FAM168A: variants seen among roughly 807,000 people sequenced by gnomAD.
The protein encoded by FAM168A is protein FAM168A.
In FAM168A, 3 loss-of-function variants were observed where a neutral mutation model predicts 28.5. The ratio of observed to expected loss-of-function variants is 0.11; its 90% CI spans 0.05 to 0.27. FAM168A has a LOEUF of 0.27. Ranked by LOEUF, FAM168A falls within the 10% of genes least tolerant of loss-of-function variation. FAM168A has a pLI of 1.00. For missense variants in FAM168A, 222 were observed against 311.5 expected, an observed-to-expected ratio of 0.71 and a Z score of 2.16; for synonymous variants, 122 against 124.2, an observed-to-expected ratio of 0.98 and a Z score of 0.12.
intron 4 of FAM168A, among the ~76,000 whole-genome samples, chr11:73,413,396 A>G (rs7129990): frequency 0.22 from 33,883 of 152,184 alleles, 6,161 homozygotes; most frequent in African/African-American, 0.51. Context: ...CTGGAAGTGC[A>G]ACTATGAGCT....
chr11:73,466,058 C>T (rs1168882719), intron 2 of FAM168A, among the ~76,000 whole-genome samples: 2 of 151,984 alleles, frequency 1.3e-5, no homozygotes, highest in African/African-American at 2.4e-5. Context: ...ATTTTATTTC[C>T]CATCTTCAGA....
chr11:73,586,158 G>T lies in FAM168A; in HGVS notation c.-19+11765C>A, dbSNP rs377558763. Among the ~76,000 whole-genome samples, 28 of 152,228 alleles carry T rather than the reference G, an allele frequency of 1.8e-4. 1 individual carries two copies. The highest frequency in any genetic ancestry group is 6.5e-4 in the African/African-American group (27 of 41,536). The stretch of plus-strand genomic sequence containing the variant: ...CTCTGGAAGCCAGCATGTCACATAG[G>T]AAAAAGCACTCATAGGTTTTGGAGG... On this transcript the variant is annotated intron_variant, in intron 1 of 7. Coordinates refer to ENST00000356467, the MANE Select transcript of FAM168A (RefSeq NM_015159.3).
intron 1 of FAM168A, among the ~76,000 whole-genome samples, chr11:73,507,395 T>C (rs1197110642): frequency 6.6e-6 from 1 of 152,218 alleles, no homozygotes; most frequent in African/African-American, 2.4e-5. Context: ...AAAACCCATC[T>C]GGGACAAAGT....
At chr11:73,592,820 C>T (rs928913997) in intron 1 of FAM168A, among the ~76,000 whole-genome samples, 5 of 150,868 alleles carry the variant, frequency 3.3e-5, no homozygotes, top group East Asian at 1.9e-4. Context: ...TTTGGGAGGC[C>T]GAGGAAGGAG....
chr11:73,517,555 A>T (rs1200574143), intron 1 of FAM168A, among the ~76,000 whole-genome samples: 2 of 152,114 alleles, frequency 1.3e-5, no homozygotes, highest in Non-Finnish European at 2.9e-5. Flanking sequence ...GGGGGTGGTT[A>T]ATACATGACG....
chr11:73,437,653 A>G (rs1297669695), intron 2 of FAM168A, among the ~76,000 whole-genome samples: 2 of 151,862 alleles, frequency 1.3e-5, no homozygotes, highest in Non-Finnish European at 2.9e-5. Flanking sequence ...TAAGAATCTT[A>G]CCCTGAACAT....
At position 73,511,384 on chromosome 11, in the gene FAM168A, C is replaced by T. The variant is rs568588384; in HGVS notation, c.-18-42892G>A. Among the ~76,000 whole-genome samples the T allele has an allele frequency of 3.9e-4, 60 of 152,012 alleles. No individual in the cohort carries two copies. In the Middle Eastern group the frequency reaches 0.017, roughly 43 times the overall value. On this transcript the variant is annotated intron_variant, in intron 1 of 7. Coordinates refer to ENST00000356467, the MANE Select transcript of FAM168A (RefSeq NM_015159.3). Reference sequence around the variant, plus strand: ...CCCAAGTAGCTGAGACTACAGGCACCGGCCACTACGCCCGGCTAATTTTTT... The same window carrying T: ...CCCAAGTAGCTGAGACTACAGGCACTGGCCACTACGCCCGGCTAATTTTTT...
intron 1 of FAM168A, among the ~76,000 whole-genome samples, chr11:73,538,029 C>A (rs1033458658): frequency 6.6e-6 from 1 of 152,084 alleles, no homozygotes; most frequent in African/African-American, 2.4e-5. Context: ...CTCACTGTAA[C>A]CTTGGGAAAG....
chr11:73,515,521 A>G (rs144345786), intron 1 of FAM168A, among the ~76,000 whole-genome samples: 2,211 of 151,586 alleles, frequency 0.015, 39 homozygotes, highest in Non-Finnish European at 0.019. Flanking sequence ...AAAAAAAAAA[A>G]AAAAGAAAAG....
At chr11:73,577,444 G>A (rs1011223656) in intron 1 of FAM168A, among the ~76,000 whole-genome samples, 4 of 152,174 alleles carry the variant, frequency 2.6e-5, no homozygotes, top group African/African-American at 9.7e-5. Context: ...TATTAGCAGA[G>A]CCCAATTTAA....
chr11:73,475,058 C>A (rs1387783328), intron 1 of FAM168A, among the ~76,000 whole-genome samples: 1 of 152,134 alleles, frequency 6.6e-6, no homozygotes, highest in Non-Finnish European at 1.5e-5. Context: ...TAGATTCCTA[C>A]CCACTGTTCT....
intron 1 of FAM168A, among the ~76,000 whole-genome samples, chr11:73,478,341 G>A (rs1292657498): frequency 2.0e-5 from 3 of 152,170 alleles, no homozygotes; most frequent in Non-Finnish European, 2.9e-5. Flanking sequence ...AAAATATTAT[G>A]CTAAGTGGAA....
chr11:73,454,702 A>G (rs1476230569), intron 2 of FAM168A, among the ~76,000 whole-genome samples: 1 of 152,226 alleles, frequency 6.6e-6, no homozygotes, highest in Non-Finnish European at 1.5e-5. Flanking sequence ...TTCAGCTGGT[A>G]GACGGGACTA....
chr11:73,464,865 A>T (rs755638), intron 2 of FAM168A, among the ~76,000 whole-genome samples: 33,300 of 147,154 alleles, frequency 0.23, 6,026 homozygotes, highest in African/African-American at 0.51. Flanking sequence ...CTGTTTTATC[A>T]TTTTTTTTTT....
rs1014528281 is a variant in FAM168A at position 73,403,927 on chromosome 11, T to A, written c.*2836A>T. On this transcript the variant is annotated 3_prime_UTR_variant, in exon 8 of 8. Transcript: ENST00000356467. ...GCTAAGATAGGGCACAGAGCACAGA[T>A]GCTTCAGTACGTGAGCCTGTGTGGG... 1 of 152,198 alleles carries A rather than the reference T, an allele frequency of 6.6e-6. No homozygotes were observed. Among genetic ancestry groups the A allele is most frequent in the Non-Finnish European group, 1.5e-5 (1 of 68,040 alleles). 9.4% of individuals were successfully genotyped at this position (152,198 alleles called of 1,614,324 possible). A position where few individuals can be genotyped will look rare whatever the true frequency, so the allele number is the denominator to read the frequency against.
chr11:73,417,802 G>A lies in FAM168A; in HGVS notation c.277+2072C>T, dbSNP rs184557515. On this transcript the variant is annotated intron_variant, in intron 4 of 7. Transcript: ENST00000356467. ...TCTCGATCTTCTGACCTTGTGATCC[G>A]CCCACCTCGGCCTCCCAAAGTGCTG... 5.9e-3 allele frequency among the ~76,000 whole-genome samples: 900 copies of A among 152,000 alleles called. 8 individuals are homozygous for A. Among genetic ancestry groups the A allele is most frequent in the Middle Eastern group, 0.027 (8 of 294 alleles).
rs1359484042 is a variant in FAM168A, at chr11:73,403,309, CAG to C, written c.*3452_*3453del. On this transcript the variant is annotated 3_prime_UTR_variant, in exon 8 of 8. Coordinates refer to ENST00000356467, the MANE Select transcript of FAM168A (RefSeq NM_015159.3). ...CACTATTTGCAGGCAATCCAGCTCCCAGACTCAAACTTCTTGACCCCAGGCCA... is the reference window on the plus strand; with the variant it reads ...CACTATTTGCAGGCAATCCAGCTCCCACTCAAACTTCTTGACCCCAGGCCA... 2 of 152,140 alleles carry C rather than the reference CAG, an allele frequency of 1.3e-5. No individual in the cohort carries two copies. Among genetic ancestry groups the C allele is most frequent in the Non-Finnish European group, 2.9e-5 (2 of 68,016 alleles). The allele number at this position is 152,140 out of a possible 1,614,324, so 9.4% of individuals were successfully genotyped here.
chr11:73,404,847 T>A lies in FAM168A; in HGVS notation c.*1916A>T, dbSNP rs536506379. 8 of 152,250 alleles carry A rather than the reference T, an allele frequency of 5.3e-5. No individual in the cohort carries two copies. The highest frequency in any genetic ancestry group is 1.2e-4 in the Non-Finnish European group (8 of 68,048). 9.4% of individuals were successfully genotyped at this position (152,250 alleles called of 1,614,324 possible). A position where few individuals can be genotyped will look rare whatever the true frequency, so the allele number is the denominator to read the frequency against. ...AGGATATGTCCAAGTTTGCATGAATTTTAAATGAAAGCAGTTTTTTAAAGT... is the reference window on the plus strand; with the variant it reads ...AGGATATGTCCAAGTTTGCATGAATATTAAATGAAAGCAGTTTTTTAAAGT... On this transcript the variant is annotated 3_prime_UTR_variant, in exon 8 of 8. Coordinates refer to ENST00000356467, the MANE Select transcript of FAM168A (RefSeq NM_015159.3).
intron 1 of FAM168A, among the ~76,000 whole-genome samples, chr11:73,506,577 A>G (rs1387205609): frequency 6.6e-6 from 1 of 152,170 alleles, no homozygotes; most frequent in African/African-American, 2.4e-5. Flanking sequence ...CTCCTCTACA[A>G]CTTACTAGAA....
Sources: gnomAD v4.1 joint callset for allele counts (sites outside exome capture counted in the v4.1 genomes callset) on GRCh38, gnomAD v4.1.1 for gene constraint, MANE v1.5 for transcripts, NCBI Gene and HGNC (gene_info 2026-07-23, HGNC 2026-07-21) for gene names.